MCC: variants seen among roughly 807,000 people sequenced by gnomAD.
The protein encoded by MCC is MCC regulator of Wnt signaling pathway.
Under a neutral mutation model 116.2 loss-of-function variants are expected in MCC, and 90 were observed. That is an observed-to-expected ratio of 0.77 (90% CI 0.65 to 0.92). MCC has a LOEUF of 0.92. MCC is among the 40% of genes least tolerant of loss of function. The pLI, the probability that MCC is intolerant of heterozygous loss-of-function variation, is 0.00. For synonymous variants in MCC, 578 were observed against 510.5 expected (o/e 1.13, Z -1.78); for missense variants, 1,516 against 1,312.2 (o/e 1.16, Z -2.40).
rs528263135 is a variant in MCC, at chr5:113,121,488, G to A, written c.1027+1196C>T. The stretch of plus-strand genomic sequence containing the variant: ...CTTAAATGCATTCCTCTCCCTCACT[G>A]GATGCTATTCTCTTCCTTGACCTGC... On this transcript the variant is annotated intron_variant, in intron 6 of 18. Transcript: ENST00000408903. Among the ~76,000 whole-genome samples the A allele has an allele frequency of 7.9e-5, 12 of 152,130 alleles. No homozygotes were observed. The South Asian group carries it at 1.0e-3, about 13-fold the overall frequency.
rs149097015 is a variant in MCC, at chr5:113,269,079, T to C, written c.627+71440A>G. 55 of 738,778 alleles carry C rather than the reference T, an allele frequency of 7.4e-5. 1 individual carries two copies. The Admixed American group carries it at 7.5e-4, about 10-fold the overall frequency. The allele number at this position is 738,778 out of a possible 1,614,324, so 45.8% of individuals were successfully genotyped here. A position where few individuals can be genotyped will look rare whatever the true frequency, so the allele number is the denominator to read the frequency against. ...CAGCACAAACAGATGGGTGGGTGAA[T>C]ATTTGATGGAGAAGACAGGGATGAA... is the stretch of plus-strand genomic sequence containing the variant. On this transcript the variant is annotated intron_variant, in intron 3 of 18. Transcript: ENST00000408903.
At chr5:113,100,673 A>G (rs1327910656) in intron 8 of MCC, among the ~76,000 whole-genome samples, 5 of 151,914 alleles carry the variant, frequency 3.3e-5, no homozygotes, top group African/African-American at 9.7e-5. Flanking sequence ...GGGTTTCATC[A>G]TATTGGCCAG....
chr5:113,067,038 C>A (rs924032657), intron 13 of MCC, among the ~76,000 whole-genome samples: 2 of 152,238 alleles, frequency 1.3e-5, no homozygotes, highest in Non-Finnish European at 2.9e-5. Flanking sequence ...GTCCTCCCCA[C>A]ATCACTGCAG....
chr5:113,121,757 G>T (rs1488042652), intron 6 of MCC, among the ~76,000 whole-genome samples: 2 of 152,118 alleles, frequency 1.3e-5, no homozygotes, highest in Admixed American at 1.3e-4. Context: ...CTGACTATAT[G>T]CAACTCTTCT....
intron 3 of MCC, among the ~76,000 whole-genome samples, chr5:113,192,960 C>G (rs1762219437): frequency 6.6e-6 from 1 of 152,206 alleles, no homozygotes; most frequent in South Asian, 2.1e-4. Context: ...AGTCAGAAGT[C>G]TAAAACCATT....
rs952659163 is a variant in MCC at position 113,024,401 on chromosome 5, C to CTCTT, written c.*2897_*2900dup. Reference sequence around the variant, plus strand: ...GGCACTCGCAACTACGGACAGAAGTCTCTTTTGCTTGTGATTTGCACAGTT... The same window carrying CTCTT: ...GGCACTCGCAACTACGGACAGAAGTCTCTTTCTTTTGCTTGTGATTTGCACAGTT... On this transcript the variant is annotated 3_prime_UTR_variant, in exon 19 of 19. Coordinates refer to ENST00000408903, the MANE Select transcript of MCC (RefSeq NM_001085377.2). The CTCTT allele has an allele frequency of 1.3e-5, 2 of 152,202 alleles. No homozygotes were observed. The highest frequency in any genetic ancestry group is 2.4e-5 in the African/African-American group (1 of 41,436). The allele number at this position is 152,202 out of a possible 1,614,324, so 9.4% of individuals were successfully genotyped here. A position where few individuals can be genotyped will look rare whatever the true frequency, so the allele number is the denominator to read the frequency against.
rs368775384 is a variant in MCC, at chr5:113,356,505, T to C, written c.416-15775A>G. 1.1e-4 allele frequency among the ~76,000 whole-genome samples: 16 copies of C among 152,062 alleles called. No individual in the cohort carries two copies. In the East Asian group the frequency reaches 2.3e-3, roughly 22 times the overall value. ...TAAATGTTTCTTTCACTTATCTAAATAGCACAGGAAACAAGTGGCAATTTG... is the reference window on the plus strand; with the variant it reads ...TAAATGTTTCTTTCACTTATCTAAACAGCACAGGAAACAAGTGGCAATTTG... On this transcript the variant is annotated intron_variant, in intron 2 of 18. Transcript: ENST00000408903.
At chr5:113,300,643 A>C (rs1298216417) in intron 3 of MCC, among the ~76,000 whole-genome samples, 2 of 152,062 alleles carry the variant, frequency 1.3e-5, no homozygotes, top group African/African-American at 4.8e-5. Context: ...AAAATTAGGG[A>C]GCCCTCAAAG....
intron 1 of MCC, among the ~76,000 whole-genome samples, chr5:113,438,850 T>G (rs990078062): frequency 6.6e-6 from 1 of 152,170 alleles, no homozygotes; most frequent in Admixed American, 6.5e-5. Flanking sequence ...ATATAAAATA[T>G]GAAACTTAAG....
At chr5:113,031,708 G>A (rs1336518833) in intron 17 of MCC, among the ~76,000 whole-genome samples, 1 of 152,122 alleles carries the variant, frequency 6.6e-6, no homozygotes, top group Non-Finnish European at 1.5e-5. Flanking sequence ...TCCACACTCA[G>A]TGAACAGGGA....
intron 1 of MCC, among the ~76,000 whole-genome samples, chr5:113,420,768 T>C (rs1405491738): frequency 1.3e-5 from 2 of 152,222 alleles, no homozygotes; most frequent in African/African-American, 2.4e-5. Flanking sequence ...ATACCAATGA[T>C]AGTAGGCAGG....
At chr5:113,329,348 G>C (rs1051530797) in intron 3 of MCC, among the ~76,000 whole-genome samples, 1 of 151,882 alleles carries the variant, frequency 6.6e-6, no homozygotes, top group African/African-American at 2.4e-5. Context: ...TCCCACCTGG[G>C]CCTAAGAGTA....
At chr5:113,088,812 G>T (rs973144800) in intron 8 of MCC, among the ~76,000 whole-genome samples, 3 of 152,040 alleles carry the variant, frequency 2.0e-5, no homozygotes, top group African/African-American at 7.2e-5. Context: ...CTTCTTCATT[G>T]AAGACTTATT....
chr5:113,294,954 G>A (rs1179125769), intron 3 of MCC: 4 of 985,542 alleles, frequency 4.1e-6, no homozygotes, highest in African/African-American at 3.5e-5. Context: ...GTTTCTGATT[G>A]AACACAGCTG....
intron 5 of MCC, among the ~76,000 whole-genome samples, chr5:113,139,751 T>C (rs1759068257): frequency 4.6e-5 from 7 of 152,188 alleles, no homozygotes; most frequent in Admixed American, 3.9e-4. Context: ...ATCCCATTAC[T>C]GGGTATATAC....
intron 8 of MCC, 126 bp downstream of exon 8, chr5:113,101,613 A>T: frequency 1.1e-6 from 1 of 909,448 alleles, no homozygotes; most frequent in Admixed American, 2.1e-5. Context: ...CATAACAGGA[A>T]AGAGACAGTG....
intron 3 of MCC, among the ~76,000 whole-genome samples, chr5:113,162,653 C>T (rs543206258): frequency 3.7e-4 from 56 of 152,186 alleles, no homozygotes; most frequent in African/African-American, 1.3e-3. Flanking sequence ...GGCACCACCA[C>T]GTCCAACTAA....
intron 1 of MCC, among the ~76,000 whole-genome samples, chr5:113,418,569 T>C (rs1027520983): frequency 2.0e-5 from 3 of 152,100 alleles, no homozygotes; most frequent in East Asian, 1.9e-4. Flanking sequence ...GAAAAAGGGA[T>C]TAAAAATATC....
chr5:113,327,561 A>AAAAAATATATAT (rs1480996383), intron 3 of MCC, among the ~76,000 whole-genome samples: 25 of 80,552 alleles, frequency 3.1e-4, no homozygotes, highest in African/African-American at 1.2e-3. Context: ...AAAAAAAAAA[A>AAAAAATATATAT]ATATATATAT....
Sources: allele counts gnomAD v4.1 joint callset (sites outside exome capture counted in the v4.1 genomes callset), GRCh38; gene constraint gnomAD v4.1.1; transcripts MANE v1.5; gene names NCBI Gene and HGNC (gene_info 2026-07-23, HGNC 2026-07-21).